UTRN: variants seen among roughly 807,000 people sequenced by gnomAD.
The protein encoded by UTRN is utrophin, also known as dystrophin-related protein 1.
A neutral mutation model predicts 463.9 loss-of-function variants in UTRN; 283 were observed. The observed-to-expected ratio is 0.61, with a 90% CI of 0.55 to 0.67. The LOEUF (loss-of-function observed/expected upper bound fraction) is 0.67, where lower values mean the gene tolerates loss of function less well. UTRN is among the 30% of genes least tolerant of loss of function. The pLI is 0.00. For missense variants in UTRN, 3,922 were observed against 4,084.3 expected (o/e 0.96, Z 1.08); for synonymous variants, 1,442 against 1,431.5 (o/e 1.01, Z -0.17).
intron 52 of UTRN, among the ~76,000 whole-genome samples, chr6:144,679,689 A>G (rs1782013704): frequency 6.6e-6 from 1 of 152,208 alleles, no homozygotes; most frequent in Non-Finnish European, 1.5e-5. Flanking sequence ...TTTTATACAT[A>G]AAGGGGCTCA....
chr6:144,588,519 C>G (rs1276260370), intron 51 of UTRN, among the ~76,000 whole-genome samples: 5 of 152,118 alleles, frequency 3.3e-5, no homozygotes, highest in Admixed American at 6.5e-5. Flanking sequence ...AAGTGTAATA[C>G]TAGTACAAAT....
rs1420401719 is a variant in UTRN, at chr6:144,590,229, A to G, written c.7479+12941A>G. 3.9e-5 allele frequency among the ~76,000 whole-genome samples: 6 copies of G among 152,200 alleles called. No homozygotes were observed. In the East Asian group the frequency reaches 7.7e-4, roughly 20 times the overall value. On this transcript the variant is annotated intron_variant, in intron 51 of 74. Transcript: ENST00000367545. ...CTATTTCGATGTTCGATGTTCAAGT[A>G]TTGGCTATATAATGTTAAGGAAATA...
At chr6:144,326,832 A>G (rs576829719) in intron 2 of UTRN, among the ~76,000 whole-genome samples, 58 of 152,170 alleles carry the variant, frequency 3.8e-4, no homozygotes, top group African/African-American at 1.3e-3. Flanking sequence ...ATTTTCCCCT[A>G]TCCCTGAGGA....
intron 3 of UTRN, among the ~76,000 whole-genome samples, chr6:144,415,008 C>A (rs531551862): frequency 2.0e-5 from 3 of 152,322 alleles, no homozygotes; most frequent in African/African-American, 7.2e-5. Context: ...GCCACTGTAT[C>A]CAGCCTAAAA....
chr6:144,590,397 T>G (rs1295830807), intron 51 of UTRN, among the ~76,000 whole-genome samples: 1 of 152,206 alleles, frequency 6.6e-6, no homozygotes, highest in Non-Finnish European at 1.5e-5. Context: ...CGTTAAATTA[T>G]GTGTTCATTG....
chr6:144,594,571 A>G (rs1803452841), intron 51 of UTRN, among the ~76,000 whole-genome samples: 1 of 152,228 alleles, frequency 6.6e-6, no homozygotes, highest in East Asian at 1.9e-4. Flanking sequence ...ACAGTAAAGC[A>G]GAAGTTCTAT....
At chr6:144,579,061 T>C (rs1461149519) in intron 51 of UTRN, among the ~76,000 whole-genome samples, 2 of 152,248 alleles carry the variant, frequency 1.3e-5, no homozygotes, top group South Asian at 2.1e-4. Flanking sequence ...GGTGTTTTAC[T>C]GTTGAGTTCT....
At chr6:144,819,911 C>CCTCCTCCTCCTCCTCTCT (rs11397588) in intron 65 of UTRN, among the ~76,000 whole-genome samples, 82 of 118,500 alleles carry the variant, frequency 6.9e-4, no homozygotes, top group East Asian at 1.3e-3. Context: ...TCCTCCTCCT[C>CCTCCTCCTCCTCCTCTCT]CTCTCTCTCT....
At chr6:144,561,937 G>A (rs1018567147) in intron 50 of UTRN, among the ~76,000 whole-genome samples, 4 of 152,118 alleles carry the variant, frequency 2.6e-5, no homozygotes, top group African/African-American at 9.7e-5. Context: ...ATTATCAGTT[G>A]TTTGTCCATA....
chr6:144,770,066 C>G (rs957608248), intron 58 of UTRN, among the ~76,000 whole-genome samples: 11 of 152,216 alleles, frequency 7.2e-5, no homozygotes, highest in Admixed American at 2.0e-4. Flanking sequence ...TGTTGGTGTT[C>G]AGTAGTGGAC....
chr6:144,789,602 T>G (rs1454140282), intron 62 of UTRN, among the ~76,000 whole-genome samples: 1 of 152,150 alleles, frequency 6.6e-6, no homozygotes, highest in African/African-American at 2.4e-5. Context: ...CTGAGAAAAT[T>G]AATGCTGAGA....
chr6:144,392,054 A>G (rs918685723), intron 2 of UTRN, among the ~76,000 whole-genome samples: 1 of 152,242 alleles, frequency 6.6e-6, no homozygotes, highest in Non-Finnish European at 1.5e-5. Flanking sequence ...GAATTGAAAT[A>G]ATGCTGTAAA....
intron 51 of UTRN, among the ~76,000 whole-genome samples, chr6:144,617,237 G>A (rs570949304): frequency 6.6e-6 from 1 of 152,114 alleles, no homozygotes. Flanking sequence ...CCATCACTCT[G>A]GTGAGCAAAA....
chr6:144,675,286 CAA>C (rs1452626411), intron 51 of UTRN, among the ~76,000 whole-genome samples: 4 of 152,144 alleles, frequency 2.6e-5, no homozygotes, highest in Non-Finnish European at 5.9e-5. Context: ...GGAATGTCTG[CAA>C]AGAGTCCTGT....
intron 3 of UTRN, among the ~76,000 whole-genome samples, chr6:144,413,482 A>T (rs1226702641): frequency 6.6e-6 from 1 of 152,162 alleles, no homozygotes; most frequent in African/African-American, 2.4e-5. Flanking sequence ...TGTGCAGGGA[A>T]CTAACCATAA....
rs1488620101 is a variant in UTRN, at chr6:144,286,524, C to G, written c.-93+703C>G. On this transcript the variant is annotated intron_variant, in intron 1 of 74. Coordinates refer to ENST00000367545, the MANE Select transcript of UTRN (RefSeq NM_007124.3). The surrounding 1 kb of genome is among the most constrained non-coding windows in gnomAD (Gnocchi z 4.4). ...TTGGTGTGTAGTCCCGCGCAGTCGC[C>G]GGCTCTCCTTTTCCGGACTCTGGGG... Among the ~76,000 whole-genome samples, 1 of 152,074 alleles carries G rather than the reference C, an allele frequency of 6.6e-6. No individual in the cohort carries two copies. Among genetic ancestry groups the G allele is most frequent in the Non-Finnish European group, 1.5e-5 (1 of 68,002 alleles).
rs1777602232 is a variant in UTRN at position 144,800,417 on chromosome 6, G to A, written c.9245+2427G>A. Among the ~76,000 whole-genome samples the A allele has an allele frequency of 4.6e-5, 7 of 152,286 alleles. No individual in the cohort carries two copies. In the South Asian group the frequency reaches 1.5e-3, roughly 32 times the overall value. On this transcript the variant is annotated intron_variant, in intron 64 of 74. Transcript: ENST00000367545. ...ATTTCAAGGGTTTAAGTTTCTGCTA[G>A]TACTATCAAATTGACCTGTAAATGT... is the stretch of plus-strand genomic sequence containing the variant.
intron 54 of UTRN, among the ~76,000 whole-genome samples, chr6:144,742,110 G>T (rs1035782319): frequency 2.0e-5 from 3 of 151,990 alleles, no homozygotes; most frequent in African/African-American, 7.3e-5. Flanking sequence ...AAAAGAATTT[G>T]AGAAGTCCAC....
At chr6:144,820,467 C>T (rs543341044) in intron 65 of UTRN, among the ~76,000 whole-genome samples, 2 of 123,378 alleles carry the variant, frequency 1.6e-5, no homozygotes, top group Non-Finnish European at 3.2e-5. Context: ...TCCATTAACA[C>T]AGCTTGGTTA....
Sources: gnomAD v4.1 joint callset for allele counts (sites outside exome capture counted in the v4.1 genomes callset) on GRCh38, gnomAD v4.1.1 for gene constraint, Gnocchi (gnomAD v3.1) non-coding constraint, MANE v1.5 for transcripts, NCBI Gene and HGNC (gene_info 2026-07-23, HGNC 2026-07-21) for gene names.